Variants in EXOC6B observed in about 807,000 individuals in gnomAD.
EXOC6B encodes the protein SEC15 homolog B.
EXOC6B carries 54 observed loss-of-function variants against 113.5 expected under a neutral mutation model. The observed-to-expected ratio is 0.48, with a 90% confidence interval of 0.38 to 0.60. The LOEUF (loss-of-function observed/expected upper bound fraction) is 0.60, where lower values mean the gene tolerates loss of function less well. Ranked by LOEUF, EXOC6B falls within the 20% of genes least tolerant of loss-of-function variation. The pLI, the probability that EXOC6B is intolerant of heterozygous loss-of-function variation, is 0.00. For missense variants in EXOC6B, 797 were observed against 977.5 expected, an observed-to-expected ratio of 0.82 and a Z score of 2.46; for synonymous variants, 357 against 339.0, an observed-to-expected ratio of 1.05 and a Z score of -0.58.
chr2:72,414,229 A>G (rs1374221264), intron 18 of EXOC6B, among the ~76,000 whole-genome samples: 1 of 152,218 alleles, frequency 6.6e-6, no homozygotes, highest in Non-Finnish European at 1.5e-5. Flanking sequence ...TTTCCCTGAC[A>G]TTAAGAGAAT....
At chr2:72,492,262 G>T in intron 16 of EXOC6B, 56 bp downstream of exon 16, 1 of 1,038,058 alleles carries the variant, frequency 9.6e-7, no homozygotes, top group Non-Finnish European at 1.5e-6. Flanking sequence ...AAGGCCCAGA[G>T]CTTAGGACAT....
At chr2:72,238,308 TCATGGC>T (rs1308370409) in intron 20 of EXOC6B, among the ~76,000 whole-genome samples, 2 of 152,252 alleles carry the variant, frequency 1.3e-5, no homozygotes, top group Admixed American at 6.5e-5. Flanking sequence ...ATTAATCAGT[TCATGGC>T]CATTTGGATT....
At position 72,176,183 on chromosome 2, in the gene EXOC6B, ATATATGTGCAAC is replaced by A. The variant is rs759983609; in HGVS notation, c.*3140_*3151del. The A allele has an allele frequency of 7.2e-5, 11 of 151,860 alleles. No individual in the cohort carries two copies. Among genetic ancestry groups the A allele is most frequent in the Non-Finnish European group, 1.6e-4 (11 of 67,942 alleles). 9.4% of individuals were successfully genotyped at this position (151,860 alleles called of 1,614,324 possible). On this transcript the variant is annotated 3_prime_UTR_variant, in exon 22 of 22. Transcript: ENST00000272427. Reference sequence around the variant, plus strand: ...AAAATGGACTTTCCTAATTTTCTCTATATATGTGCAACTATCTGTGTAAAATAAAAATGCCAT... The same window carrying A: ...AAAATGGACTTTCCTAATTTTCTCTATATCTGTGTAAAATAAAAATGCCAT...
chr2:72,660,161 A>G (rs1026015662), intron 6 of EXOC6B, among the ~76,000 whole-genome samples: 1 of 151,940 alleles, frequency 6.6e-6, no homozygotes, highest in South Asian at 2.1e-4. Flanking sequence ...TACTATCCTA[A>G]TGTTTTAAAA....
At chr2:72,200,354 A>C (rs1679416506) in intron 20 of EXOC6B, among the ~76,000 whole-genome samples, 1 of 152,166 alleles carries the variant, frequency 6.6e-6, no homozygotes, top group South Asian at 2.1e-4. Context: ...TCTAAATCTA[A>C]TGAATTTCTT....
chr2:72,354,629 C>A (rs1478025598), intron 19 of EXOC6B, among the ~76,000 whole-genome samples: 1 of 152,172 alleles, frequency 6.6e-6, no homozygotes, highest in African/African-American at 2.4e-5. Context: ...AGCCCATAAA[C>A]TAAAATAACT....
chr2:72,512,314 CGGAAGGAAGGAAGGAA>C (rs745543998), intron 11 of EXOC6B, among the ~76,000 whole-genome samples: 4 of 107,552 alleles, frequency 3.7e-5, no homozygotes, highest in African/African-American at 1.5e-4. Flanking sequence ...TTAAGAAACA[CGGAAGGAAGGAAGGAA>C]GGAAGGAAGG....
chr2:72,364,620 A>G lies in EXOC6B; in HGVS notation c.2122+15109T>C, dbSNP rs914953919. On this transcript the variant is annotated intron_variant, in intron 19 of 21. Transcript: ENST00000272427. ...AAAGCTGGCTCTGCATTAAGGATGT[A>G]GATTCTCCTACGGTTCTCTCAAGAA... is the stretch of plus-strand genomic sequence containing the variant. 3.9e-5 allele frequency among the ~76,000 whole-genome samples: 6 copies of G among 152,142 alleles called. No individual in the cohort carries two copies. In the East Asian group the frequency reaches 7.7e-4, roughly 20 times the overall value.
chr2:72,678,526 C>T (rs1394809384), intron 6 of EXOC6B, among the ~76,000 whole-genome samples: 3 of 152,088 alleles, frequency 2.0e-5, no homozygotes, highest in African/African-American at 7.2e-5. Context: ...GCCAACATGG[C>T]GAAACCCCAC....
At chr2:72,601,789 A>T (rs550231916) in intron 6 of EXOC6B, among the ~76,000 whole-genome samples, 156 of 152,356 alleles carry the variant, frequency 1.0e-3, no homozygotes, top group Non-Finnish European at 1.8e-3. Flanking sequence ...TTTGGTAAGC[A>T]AATGGATAAA....
intron 20 of EXOC6B, among the ~76,000 whole-genome samples, chr2:72,279,795 T>A (rs1269111482): frequency 6.6e-6 from 1 of 152,036 alleles, no homozygotes; most frequent in South Asian, 2.1e-4. Context: ...ATTTGGGTTT[T>A]TTTTGTTGTT....
At chr2:72,348,379 T>C (rs1689453780) in intron 19 of EXOC6B, among the ~76,000 whole-genome samples, 1 of 152,156 alleles carries the variant, frequency 6.6e-6, no homozygotes, top group Admixed American at 6.5e-5. Flanking sequence ...TCTCTTGGTA[T>C]TTGGAACTTA....
At chr2:72,198,021 A>T (rs1679275976) in intron 20 of EXOC6B, among the ~76,000 whole-genome samples, 1 of 152,208 alleles carries the variant, frequency 6.6e-6, no homozygotes, top group East Asian at 1.9e-4. Context: ...CATGATCTAC[A>T]TGCCTCTCAC....
chr2:72,638,188 CA>C (rs1009529900), intron 6 of EXOC6B, among the ~76,000 whole-genome samples: 1 of 151,990 alleles, frequency 6.6e-6, no homozygotes, highest in Non-Finnish European at 1.5e-5. Flanking sequence ...ACCATTACGG[CA>C]GAAATTCAAA....
chr2:72,479,520 A>G (rs1402159359), intron 17 of EXOC6B, among the ~76,000 whole-genome samples: 1 of 152,164 alleles, frequency 6.6e-6, no homozygotes, highest in African/African-American at 2.4e-5. Context: ...ATTAATATCA[A>G]TTTCTGGATC....
chr2:72,676,635 T>C (rs943436739), intron 6 of EXOC6B, among the ~76,000 whole-genome samples: 2 of 152,174 alleles, frequency 1.3e-5, no homozygotes, highest in Non-Finnish European at 2.9e-5. Context: ...AATCAGAAAT[T>C]AACAGCATAT....
intron 18 of EXOC6B, among the ~76,000 whole-genome samples, chr2:72,401,459 T>C (rs1163695051): frequency 7.5e-6 from 1 of 133,080 alleles, no homozygotes; most frequent in Non-Finnish European, 1.6e-5. Context: ...CAAAACTCCG[T>C]ATTTAAAAAA....
chr2:72,282,822 A>G (rs1685210169), intron 20 of EXOC6B, among the ~76,000 whole-genome samples: 2 of 152,172 alleles, frequency 1.3e-5, no homozygotes, highest in Admixed American at 1.3e-4. Context: ...AAAAAGGAAT[A>G]TCACAATGTT....
At chr2:72,441,501 T>A (rs993864805) in intron 18 of EXOC6B, among the ~76,000 whole-genome samples, 2 of 150,978 alleles carry the variant, frequency 1.3e-5, no homozygotes, top group Non-Finnish European at 3.0e-5. Flanking sequence ...TTAACTAGAA[T>A]AATAAAGAAG....
Sources: gnomAD v4.1 joint callset for allele counts (sites outside exome capture counted in the v4.1 genomes callset) on GRCh38, gnomAD v4.1.1 for gene constraint, MANE v1.5 for transcripts, NCBI Gene and HGNC (gene_info 2026-07-23, HGNC 2026-07-21) for gene names.